UBE2H: variants seen among roughly 807,000 people sequenced by gnomAD.
UBE2H encodes ubiquitin conjugating enzyme E2 H.
Under a neutral mutation model 29.0 loss-of-function variants are expected in UBE2H, and 3 were observed. The ratio of observed to expected loss-of-function variants is 0.10; its 90% CI spans 0.05 to 0.27. UBE2H has a LOEUF of 0.27. Ranked by LOEUF, UBE2H falls within the 10% of genes least tolerant of loss-of-function variation. UBE2H has a pLI of 1.00. For synonymous variants in UBE2H, 69 were observed against 82.9 expected (o/e 0.83, Z 0.91); for missense variants, 68 against 228.2 (o/e 0.30, Z 4.52).
chr7:129,853,264 G>T (rs1451513060), intron 5 of UBE2H, among the ~76,000 whole-genome samples: 1 of 152,056 alleles, frequency 6.6e-6, no homozygotes, highest in Non-Finnish European at 1.5e-5. Flanking sequence ...GAAAATAGAA[G>T]AGTGCTTAAA....
intron 1 of UBE2H, among the ~76,000 whole-genome samples, chr7:129,906,213 T>C (rs76358807): frequency 1.1e-5 from 1 of 92,992 alleles, no homozygotes; most frequent in African/African-American, 4.8e-5. Flanking sequence ...TTTTTCTTTC[T>C]TTTTTTTTTT....
At chr7:129,948,160 T>C (rs2116534974) in intron 1 of UBE2H, among the ~76,000 whole-genome samples, 1 of 151,320 alleles carries the variant, frequency 6.6e-6, no homozygotes, top group South Asian at 2.1e-4. Flanking sequence ...GTGCCAGCTT[T>C]TTTTTTTTTT....
chr7:129,850,039 A>G (rs1167176989), intron 5 of UBE2H, among the ~76,000 whole-genome samples: 1 of 152,158 alleles, frequency 6.6e-6, no homozygotes, highest in East Asian at 1.9e-4. Context: ...TGGGATGCTT[A>G]AAAAACACAC....
At chr7:129,937,299 G>A (rs1203050716) in intron 1 of UBE2H, among the ~76,000 whole-genome samples, 10 of 151,674 alleles carry the variant, frequency 6.6e-5, no homozygotes, top group South Asian at 2.1e-4. Flanking sequence ...ACTGCACTTC[G>A]GCCTGGGCAA....
At chr7:129,855,309 G>A (rs1042220218) in intron 5 of UBE2H, among the ~76,000 whole-genome samples, 4 of 152,184 alleles carry the variant, frequency 2.6e-5, no homozygotes, top group Admixed American at 1.3e-4. Flanking sequence ...TTACTTCATT[G>A]TAATTGGAAC....
intron 1 of UBE2H, among the ~76,000 whole-genome samples, chr7:129,947,234 C>G (rs1383993666): frequency 6.6e-6 from 1 of 152,180 alleles, no homozygotes; most frequent in Non-Finnish European, 1.5e-5. Flanking sequence ...TCCTGCCTAA[C>G]CAAAATAAGT....
intron 3 of UBE2H, among the ~76,000 whole-genome samples, chr7:129,867,711 AAAAAAAG>A (rs1805935641): frequency 1.1e-5 from 1 of 89,414 alleles, no homozygotes; most frequent in African/African-American, 4.9e-5. Context: ...AAAAAAAAAA[AAAAAAAG>A]AAAACCAAAA....
chr7:129,943,739 T>C (rs1378934292), intron 1 of UBE2H, among the ~76,000 whole-genome samples: 2 of 152,044 alleles, frequency 1.3e-5, no homozygotes, highest in East Asian at 3.9e-4. Context: ...TGTCTCTAAC[T>C]AAAAATACAA....
chr7:129,891,747 G>C (rs1400425752), intron 1 of UBE2H, among the ~76,000 whole-genome samples: 1 of 151,012 alleles, frequency 6.6e-6, no homozygotes, highest in Non-Finnish European at 1.5e-5. Flanking sequence ...ATTGCAGTGA[G>C]CCGAGATCAT....
At chr7:129,913,599 G>A (rs567704304) in intron 1 of UBE2H, among the ~76,000 whole-genome samples, 2 of 152,290 alleles carry the variant, frequency 1.3e-5, no homozygotes, top group South Asian at 2.1e-4. Context: ...TAACTCATGA[G>A]GACATCCATC....
chr7:129,883,616 C>A (rs879549174), intron 1 of UBE2H, among the ~76,000 whole-genome samples: 1 of 152,202 alleles, frequency 6.6e-6, no homozygotes, highest in East Asian at 1.9e-4. Flanking sequence ...CCAGGGCAGG[C>A]GGATCACTTG....
At chr7:129,839,744 T>A in intron 5 of UBE2H, 1 of 238,254 alleles carries the variant, frequency 4.2e-6, no homozygotes, top group Non-Finnish European at 8.1e-6. Flanking sequence ...AGAGTCTTGC[T>A]CTATTGCCCA....
chr7:129,856,198 A>G (rs1169098164), intron 5 of UBE2H, among the ~76,000 whole-genome samples: 1 of 152,238 alleles, frequency 6.6e-6, no homozygotes, highest in Non-Finnish European at 1.5e-5. Context: ...GGCAAAAGTA[A>G]CTTGCAGATT....
chr7:129,890,661 T>G, intron 1 of UBE2H, among the ~76,000 whole-genome samples: 1 of 152,044 alleles, frequency 6.6e-6, no homozygotes, highest in East Asian at 1.9e-4. Context: ...CGTGAGCCAC[T>G]GCGCCCAGCC....
At chr7:129,934,165 T>C (rs1039766873) in intron 1 of UBE2H, among the ~76,000 whole-genome samples, 3 of 151,878 alleles carry the variant, frequency 2.0e-5, no homozygotes, top group Admixed American at 6.6e-5. Context: ...CTACTAAAAT[T>C]ACAAAAATTA....
intron 1 of UBE2H, chr7:129,949,127 C>CA: frequency 7.0e-6 from 3 of 426,170 alleles, no homozygotes; most frequent in South Asian, 3.3e-5. Context: ...AAAGGATCAC[C>CA]AGGGCTGTGC....
At chr7:129,897,377 T>C (rs879527956) in intron 1 of UBE2H, among the ~76,000 whole-genome samples, 8 of 152,252 alleles carry the variant, frequency 5.3e-5, no homozygotes, top group Admixed American at 3.9e-4. Context: ...TCTCCAGTTA[T>C]CTTGCATAAT....
intron 1 of UBE2H, among the ~76,000 whole-genome samples, chr7:129,908,955 G>A (rs534275231): frequency 3.9e-5 from 6 of 152,258 alleles, no homozygotes; most frequent in South Asian, 2.1e-4. Context: ...AGTCCATTGC[G>A]TAGAACTCAG....
intron 1 of UBE2H, among the ~76,000 whole-genome samples, chr7:129,899,583 G>A (rs1038008154): frequency 5.9e-5 from 9 of 152,036 alleles, no homozygotes; most frequent in Non-Finnish European, 1.2e-4. Context: ...AACACAACAC[G>A]TGCATGTGCT....
Sources: allele counts gnomAD v4.1 joint callset (sites outside exome capture counted in the v4.1 genomes callset), GRCh38; gene constraint gnomAD v4.1.1; transcripts MANE v1.5; gene names NCBI Gene and HGNC (gene_info 2026-07-23, HGNC 2026-07-21).